The following CA13 variants were observed in gnomAD, a reference collection of about 807,000 sequenced individuals.
CA13 encodes the protein carbonic anhydrase 13.
CA13 carries 21 observed loss-of-function variants against 31.5 expected under a neutral mutation model. The ratio of observed to expected loss-of-function variants is 0.67; its 90% CI spans 0.47 to 0.96. CA13 has a LOEUF of 0.96. Among genes scored for constraint, CA13 ranks in the 40% least tolerant of loss-of-function variants. The pLI is 0.00. For missense variants in CA13, 315 were observed against 318.9 expected (o/e 0.99, Z 0.09); for synonymous variants, 117 against 111.4 (o/e 1.05, Z -0.32).
Position 85,267,933 on chromosome 8 carries a change from T to C in CA13, c.482T>C (p.Ile161Thr), listed in dbSNP as rs1807478955. 6.3e-7 allele frequency: 1 copy of C among 1,596,634 alleles called. No individual in the cohort carries two copies. The highest frequency in any genetic ancestry group is 1.3e-5 in the African/African-American group (1 of 74,514). The change falls in exon 5 of 7, where the codon ATT becomes ACT. Residue 161 changes from isoleucine to threonine, a missense_variant. Physicochemically the swap from Ile to Thr is moderately conservative, Grantham distance 89 (BLOSUM62 -1). Coordinates refer to ENST00000321764, the MANE Select transcript of CA13 (RefSeq NM_198584.3). ...GAACCTAATTCCCAACTGCAAAAGA[T>C]TACTGACACTTTGGATTCCATTAAA... ...IGEPNSQLQK[I>T]TDTLDSIKEK... is the part of the protein sequence containing the mutation.
intron 6 of CA13, among the ~76,000 whole-genome samples, chr8:85,271,775 A>G (rs531367116): frequency 6.6e-6 from 1 of 152,308 alleles, no homozygotes; most frequent in South Asian, 2.1e-4. Flanking sequence ...ACTACAATCA[A>G]GATATAGTTC....
chr8:85,276,273 C>G (rs553189473), intron 6 of CA13, among the ~76,000 whole-genome samples: 1 of 152,184 alleles, frequency 6.6e-6, no homozygotes, highest in Non-Finnish European at 1.5e-5. Context: ...GGGCAGGGCT[C>G]GGGACCTGCA....
At position 85,268,504 on chromosome 8, in the gene CA13, A is replaced by G; in HGVS notation, c.546A>G (p.Leu182=). The change falls in exon 6 of 7, where the codon CTA becomes CTG. Residue 182 remains leucine, a synonymous_variant. Transcript: ENST00000321764. ...GKQTRFTNFD[L]LSLLPPSWDY... ...AAACTCGATTCACAAATTTTGACCT[A>G]TTGTCTCTGCTTCCACCATCCTGGG... The G allele has an allele frequency of 6.2e-7, 1 of 1,614,020 alleles. No homozygotes were observed. Among genetic ancestry groups the G allele is most frequent in the Non-Finnish European group, 8.5e-7 (1 of 1,179,972 alleles).
rs1373696031 is a variant in CA13, at chr8:85,282,683, G to A, written c.*1334G>A. On this transcript the variant is annotated 3_prime_UTR_variant, in exon 7 of 7. Coordinates refer to ENST00000321764, the MANE Select transcript of CA13 (RefSeq NM_198584.3). ...CAGTCTCTTAATTTTGTCAGGTGGA[G>A]CTTGATCTTAATTTTAACCTATTAT... 1.3e-5 allele frequency: 2 copies of A among 152,186 alleles called. No homozygotes were observed. The highest frequency in any genetic ancestry group is 4.8e-5 in the African/African-American group (2 of 41,458). 9.4% of individuals were successfully genotyped at this position (152,186 alleles called of 1,614,324 possible). A position where few individuals can be genotyped will look rare whatever the true frequency, so the allele number is the denominator to read the frequency against.
chr8:85,281,258 CA>C lies in CA13; in HGVS notation c.699del (p.Ala234ArgfsTer10), dbSNP rs747786577. The stretch of plus-strand genomic sequence containing the variant: ...GCCAAATTTCGCAGTCTCCTGTGCA[CA>C]GCGGAGGGTGAAGCAGCAGCTTTTC... ...QLAKFRSLLCTAEGEAAAFLV... is the reference protein window; with the variant it reads ...QLAKFRSLLCXAEGEAAAFLV... On this transcript the variant is annotated frameshift_variant, in exon 7 of 7. Transcript: ENST00000321764. LOFTEE classifies it high-confidence loss of function. The C allele has an allele frequency of 1.2e-6, 2 of 1,614,078 alleles. No individual in the cohort carries two copies. Among genetic ancestry groups the C allele is most frequent in the South Asian group, 2.2e-5 (2 of 91,082 alleles).
At chr8:85,265,550 C>T (rs1247249869) in intron 3 of CA13, among the ~76,000 whole-genome samples, 1 of 152,024 alleles carries the variant, frequency 6.6e-6, no homozygotes, top group African/African-American at 2.4e-5. Flanking sequence ...ACCTCCTTCC[C>T]TTCCCCCTTG....
intron 6 of CA13, 101 bp from the exon 7 acceptor site, chr8:85,281,129 T>C: frequency 1.4e-6 from 2 of 1,390,028 alleles, no homozygotes; most frequent in Non-Finnish European, 1.9e-6. Context: ...CATTGCAGTA[T>C]TTTTTGTTCC....
intron 6 of CA13, among the ~76,000 whole-genome samples, chr8:85,269,842 G>A (rs1401069512): frequency 6.6e-6 from 1 of 152,144 alleles, no homozygotes; most frequent in Non-Finnish European, 1.5e-5. Context: ...CCATGTAGCT[G>A]GAATTACAGG....
chr8:85,281,205 A>T, intron 6 of CA13, 25 bp from the exon 7 acceptor site: 2 of 1,606,810 alleles, frequency 1.2e-6, no homozygotes, highest in Non-Finnish European at 1.7e-6. Flanking sequence ...TCTATGCTGA[A>T]GCTAACTCTT....
intron 6 of CA13, among the ~76,000 whole-genome samples, chr8:85,276,794 C>A (rs191850982): frequency 6.9e-6 from 1 of 145,670 alleles, no homozygotes; most frequent in Non-Finnish European, 1.5e-5. Flanking sequence ...ATGCACCAGT[C>A]GACACTCTGT....
chr8:85,251,980 G>T (rs1453807932), intron 2 of CA13, among the ~76,000 whole-genome samples: 2 of 152,108 alleles, frequency 1.3e-5, no homozygotes, highest in African/African-American at 4.8e-5. Flanking sequence ...AACTGCAGCC[G>T]GGTGTGGTGG....
chr8:85,268,002 G>A (rs1256880502), intron 5 of CA13, 38 bp downstream of exon 5: 4 of 1,272,352 alleles, frequency 3.1e-6, no homozygotes, highest in Non-Finnish European at 4.5e-6. Flanking sequence ...CATATTTCTT[G>A]TTCTCTCCCA....
At chr8:85,272,487 C>T (rs1807540085) in intron 6 of CA13, among the ~76,000 whole-genome samples, 1 of 152,144 alleles carries the variant, frequency 6.6e-6, no homozygotes, top group African/African-American at 2.4e-5. Context: ...AACTCCTGGC[C>T]TCAAGTGATC....
rs143754749 is a variant in CA13, at chr8:85,268,540, A to G, written c.582A>G (p.Thr194=). ...SLLPPSWDYW[T]YPGSLTVPPL... is the part of the protein sequence containing the mutation. ...TTCCACCATCCTGGGACTACTGGAC[A>G]TATCCTGGTTCTCTTACAGTTCCAC... The change falls in exon 6 of 7, where the codon ACA becomes ACG. Residue 194 remains threonine (T), a synonymous_variant. Coordinates refer to ENST00000321764, the MANE Select transcript of CA13 (RefSeq NM_198584.3). The G allele has an allele frequency of 2.5e-4, 401 of 1,613,990 alleles. No homozygotes were observed. Among genetic ancestry groups the G allele is most frequent in the Non-Finnish European group, 3.2e-4 (379 of 1,179,954 alleles).
chr8:85,281,290 A>G lies in CA13; in HGVS notation c.730A>G (p.Ser244Gly). 1 of 1,614,060 alleles carries G rather than the reference A, an allele frequency of 6.2e-7. No homozygotes were observed. Among genetic ancestry groups the G allele is most frequent in the Non-Finnish European group, 8.5e-7 (1 of 1,179,968 alleles). ...AEGEAAAFLV[S>G]NHRPPQPLKG... ...GGGTGAAGCAGCAGCTTTTCTGGTG[A>G]GCAATCACCGCCCACCACAGCCTCT... The change falls in exon 7 of 7, where the codon AGC becomes GGC. Residue 244 changes from serine to glycine, a missense_variant. By Grantham distance (56) the Ser-to-Gly change is moderately conservative. Coordinates refer to ENST00000321764, the MANE Select transcript of CA13 (RefSeq NM_198584.3).
intron 3 of CA13, among the ~76,000 whole-genome samples, chr8:85,260,126 AAC>A (rs1807356187): frequency 6.6e-6 from 1 of 152,168 alleles, no homozygotes; most frequent in African/African-American, 2.4e-5. Context: ...GGTAAATCAT[AAC>A]ACAATAAAGC....
At chr8:85,270,838 G>A (rs1269043884) in intron 6 of CA13, among the ~76,000 whole-genome samples, 1 of 152,102 alleles carries the variant, frequency 6.6e-6, no homozygotes, top group Non-Finnish European at 1.5e-5. Flanking sequence ...ATATCTACCT[G>A]CAAGTTTAGG....
At chr8:85,253,790 T>C (rs567498163) in intron 2 of CA13, among the ~76,000 whole-genome samples, 2 of 152,186 alleles carry the variant, frequency 1.3e-5, no homozygotes, top group East Asian at 3.9e-4. Flanking sequence ...GATGATTAGT[T>C]AGGCCCAGGA....
Position 85,274,532 on chromosome 8 carries a change from C to T in CA13, c.669+5905C>T, listed in dbSNP as rs182132766. ...TGATGTTTGAAGCGATTTCTAGAAC[C>T]GCTTTTCCGTTATCGTCTATGTTAA... On this transcript the variant is annotated intron_variant, in intron 6 of 6. Coordinates refer to ENST00000321764, the MANE Select transcript of CA13 (RefSeq NM_198584.3). 1.6e-3 allele frequency among the ~76,000 whole-genome samples: 243 copies of T among 152,272 alleles called. 2 individuals carry two copies. Among genetic ancestry groups the T allele is most frequent in the African/African-American group, 5.7e-3 (235 of 41,532 alleles).
Sources: allele counts gnomAD v4.1 joint callset (sites outside exome capture counted in the v4.1 genomes callset), GRCh38; gene constraint gnomAD v4.1.1; transcripts MANE v1.5; gene names NCBI Gene and HGNC (gene_info 2026-07-23, HGNC 2026-07-21).